CDH12: variants seen among roughly 807,000 people sequenced by gnomAD.
The protein encoded by CDH12 is cadherin-12.
In CDH12, 41 loss-of-function variants were observed where a neutral mutation model predicts 74.1. That is an observed-to-expected ratio of 0.55 (90% confidence interval 0.43 to 0.72). CDH12 has a LOEUF of 0.72. CDH12 is among the 30% of genes least tolerant of loss of function. The probability of loss-of-function intolerance (pLI) is 0.00; values close to 1 mark genes in which losing one functional copy is unlikely to be tolerated. For synonymous variants in CDH12, 399 were observed against 355.0 expected, an observed-to-expected ratio of 1.12 and a Z score of -1.39; for missense variants, 945 against 977.2, an observed-to-expected ratio of 0.97 and a Z score of 0.44.
chr5:21,780,916 T>C (rs1175662800), intron 11 of CDH12, among the ~76,000 whole-genome samples: 2 of 152,022 alleles, frequency 1.3e-5, no homozygotes, highest in African/African-American at 4.8e-5. Context: ...TAGAATGTGG[T>C]ATGGGAGGGG....
chr5:22,409,471 A>C (rs1309537923), intron 2 of CDH12, among the ~76,000 whole-genome samples: 1 of 152,040 alleles, frequency 6.6e-6, no homozygotes, highest in Non-Finnish European at 1.5e-5. Flanking sequence ...CTTATTTTCC[A>C]AGTTTAGGAT....
chr5:22,484,436 C>A (rs548691125), intron 2 of CDH12, among the ~76,000 whole-genome samples: 1 of 152,232 alleles, frequency 6.6e-6, no homozygotes, highest in African/African-American at 2.4e-5. Context: ...AACTCTACTT[C>A]TTTAATCATG....
chr5:22,782,035 T>C (rs1747408696), intron 1 of CDH12, among the ~76,000 whole-genome samples: 1 of 152,168 alleles, frequency 6.6e-6, no homozygotes, highest in Non-Finnish European at 1.5e-5. Flanking sequence ...TTACCCAATG[T>C]CTGTACCCCA....
chr5:21,940,624 T>C (rs1755286749), intron 6 of CDH12, among the ~76,000 whole-genome samples: 1 of 152,246 alleles, frequency 6.6e-6, no homozygotes, highest in Non-Finnish European at 1.5e-5. Context: ...CAATTAATTG[T>C]AGTTTTCTTC....
intron 1 of CDH12, among the ~76,000 whole-genome samples, chr5:22,773,565 A>G (rs1248954576): frequency 2.0e-5 from 3 of 152,134 alleles, no homozygotes; most frequent in African/African-American, 7.2e-5. Flanking sequence ...AACCTAGGAA[A>G]CACCATTTTG....
intron 6 of CDH12, among the ~76,000 whole-genome samples, chr5:21,907,951 G>T (rs10040201): frequency 0.13 from 20,540 of 152,156 alleles, 1,520 homozygotes; most frequent in South Asian, 0.18. Context: ...TCAGAAGAAT[G>T]CCCAGTACAT....
At chr5:22,186,895 G>A (rs1749983398) in intron 4 of CDH12, among the ~76,000 whole-genome samples, 1 of 152,036 alleles carries the variant, frequency 6.6e-6, no homozygotes, top group Non-Finnish European at 1.5e-5. Flanking sequence ...GCTCGTAAAA[G>A]CACTAAATAA....
chr5:21,844,138 C>T (rs1750026441), intron 7 of CDH12, among the ~76,000 whole-genome samples: 1 of 151,996 alleles, frequency 6.6e-6, no homozygotes, highest in Admixed American at 6.6e-5. Context: ...AACTGGGATC[C>T]AGTTAGATTA....
At chr5:22,574,180 A>T (rs1191399822) in intron 1 of CDH12, among the ~76,000 whole-genome samples, 4 of 148,956 alleles carry the variant, frequency 2.7e-5, no homozygotes, top group Non-Finnish European at 5.9e-5. Context: ...CCTGGGTTCA[A>T]GTGGTTCTCC....
chr5:22,575,131 A>C (rs895503972), intron 1 of CDH12, among the ~76,000 whole-genome samples: 10 of 152,194 alleles, frequency 6.6e-5, no homozygotes, highest in African/African-American at 2.2e-4. Context: ...ACAACGTTTT[A>C]CATGAATGCA....
intron 1 of CDH12, among the ~76,000 whole-genome samples, chr5:22,804,771 A>G (rs566783895): frequency 6.6e-6 from 1 of 152,368 alleles, no homozygotes; most frequent in Admixed American, 6.5e-5. Flanking sequence ...CAGTACCATT[A>G]CTAGTACAAC....
chr5:22,595,806 G>A (rs1186071390), intron 1 of CDH12, among the ~76,000 whole-genome samples: 1 of 152,114 alleles, frequency 6.6e-6, no homozygotes, highest in East Asian at 1.9e-4. Context: ...GCCGGGCACC[G>A]TGGCTCACAC....
At chr5:22,249,717 C>G (rs1394450263) in intron 3 of CDH12, among the ~76,000 whole-genome samples, 1 of 152,048 alleles carries the variant, frequency 6.6e-6, no homozygotes, top group African/African-American at 2.4e-5. Flanking sequence ...TTGTTATGAT[C>G]GTCTCATGTT....
At chr5:22,241,232 TAC>T (rs913487339) in intron 3 of CDH12, among the ~76,000 whole-genome samples, 14 of 152,182 alleles carry the variant, frequency 9.2e-5, no homozygotes, top group African/African-American at 3.4e-4. Flanking sequence ...GACATATAAA[TAC>T]ACTTTTTTTC....
chr5:22,713,992 C>T (rs542928100), intron 1 of CDH12, among the ~76,000 whole-genome samples: 3 of 152,220 alleles, frequency 2.0e-5, no homozygotes, highest in East Asian at 1.9e-4. Context: ...CCTTGTTGTC[C>T]TTGTCCTATT....
chr5:21,933,865 T>C (rs1463555675), intron 6 of CDH12, among the ~76,000 whole-genome samples: 1 of 152,160 alleles, frequency 6.6e-6, no homozygotes, highest in Non-Finnish European at 1.5e-5. Context: ...AACTCAAACG[T>C]GGCAGTGTAC....
At chr5:22,169,412 C>A (rs1748887985) in intron 4 of CDH12, among the ~76,000 whole-genome samples, 1 of 151,978 alleles carries the variant, frequency 6.6e-6, no homozygotes, top group African/African-American at 2.4e-5. Flanking sequence ...ATAACAGTGA[C>A]AGCATGCATT....
chr5:22,786,572 G>GT (rs1376404520), intron 1 of CDH12, among the ~76,000 whole-genome samples: 1 of 152,172 alleles, frequency 6.6e-6, no homozygotes, highest in Non-Finnish European at 1.5e-5. Flanking sequence ...GCTTTTCTGG[G>GT]TAGAAACATG....
chr5:22,283,227 TATA>T (rs1736977209), intron 3 of CDH12, among the ~76,000 whole-genome samples: 1 of 41,808 alleles, frequency 2.4e-5, no homozygotes, highest in Non-Finnish European at 4.6e-5. Flanking sequence ...GATATATATA[TATA>T]TATATATATA....
Sources: gnomAD v4.1 joint callset for allele counts (sites outside exome capture counted in the v4.1 genomes callset) on GRCh38, gnomAD v4.1.1 for gene constraint, MANE v1.5 for transcripts, NCBI Gene and HGNC (gene_info 2026-07-23, HGNC 2026-07-21) for gene names.